The following PCDH15 variants were observed in gnomAD, a reference collection of about 807,000 sequenced individuals.
PCDH15 encodes protocadherin related 15, also known as protocadherin-15.
PCDH15 carries 129 observed loss-of-function variants against 178.5 expected under a neutral mutation model. That is an observed-to-expected ratio of 0.72 (90% confidence interval 0.63 to 0.84). The LOEUF (loss-of-function observed/expected upper bound fraction) is 0.84, where lower values mean the gene tolerates loss of function less well. Ranked by LOEUF, PCDH15 falls within the 40% of genes least tolerant of loss-of-function variation. The probability of loss-of-function intolerance (pLI) is 0.00; values close to 1 mark genes in which losing one functional copy is unlikely to be tolerated. For missense variants in PCDH15, 2,230 were observed against 2,099.9 expected (o/e 1.06, Z -1.21); for synonymous variants, 800 against 732.0 (o/e 1.09, Z -1.50).
At chr10:54,601,540 G>C (rs2092532983) in intron 2 of PCDH15, among the ~76,000 whole-genome samples, 1 of 151,886 alleles carries the variant, frequency 6.6e-6, no homozygotes, top group South Asian at 2.1e-4. Flanking sequence ...TCAGAAAGTA[G>C]CATATGTTGG....
chr10:54,948,887 C>T (rs1377550427), intron 2 of PCDH15, among the ~76,000 whole-genome samples: 1 of 151,830 alleles, frequency 6.6e-6, no homozygotes, highest in Non-Finnish European at 1.5e-5. Flanking sequence ...TCCAGGGACC[C>T]CTTGGCCCAA....
intron 13 of PCDH15, among the ~76,000 whole-genome samples, chr10:54,155,450 G>C (rs187237223): frequency 6.6e-6 from 1 of 151,994 alleles, no homozygotes; most frequent in East Asian, 1.9e-4. Context: ...CACAAAATAA[G>C]GATTCTATGT....
intron 15 of PCDH15, among the ~76,000 whole-genome samples, chr10:54,107,823 C>A (rs2094944637): frequency 6.6e-6 from 1 of 152,056 alleles, no homozygotes; most frequent in Non-Finnish European, 1.5e-5. Context: ...GCCACAGCAG[C>A]CTGGCATGGG....
At chr10:55,231,891 G>A (rs1841236962) in intron 1 of PCDH15, among the ~76,000 whole-genome samples, 1 of 151,770 alleles carries the variant, frequency 6.6e-6, no homozygotes, top group African/African-American at 2.4e-5. Flanking sequence ...AACAAGTAGA[G>A]GAATAAAATA....
chr10:54,739,265 T>G (rs191006887), intron 1 of PCDH15, among the ~76,000 whole-genome samples: 284 of 152,006 alleles, frequency 1.9e-3, no homozygotes, highest in South Asian at 4.2e-3. Flanking sequence ...CATTTCTATA[T>G]TCCAGCAGTA....
At chr10:54,745,717 C>T (rs4498881) in intron 1 of PCDH15, among the ~76,000 whole-genome samples, 148,295 of 152,208 alleles carry the variant, frequency 0.97, 72,302 homozygotes, top group East Asian at 1. Flanking sequence ...CTCACTGATT[C>T]AGAAACTGGA....
chr10:54,991,737 T>A lies in PCDH15; in HGVS notation c.-79-94237A>T, dbSNP rs1839506653. On this transcript the variant is annotated intron_variant, in intron 2 of 5. Transcript: ENST00000458638. The stretch of plus-strand genomic sequence containing the variant: ...GTTAGATCAGCTAGGTGAGGAGATA[T>A]TTAAAATCACTCGACTTATTTATCA... Among the ~76,000 whole-genome samples, 3 of 152,288 alleles carry A rather than the reference T, an allele frequency of 2.0e-5. No homozygotes were observed. In the South Asian group the frequency reaches 6.2e-4, roughly 32 times the overall value.
intron 1 of PCDH15, among the ~76,000 whole-genome samples, chr10:55,188,331 CA>C (rs1839853475): frequency 6.6e-6 from 1 of 151,658 alleles, no homozygotes; most frequent in South Asian, 2.1e-4. Context: ...TGAATGCTAA[CA>C]AAAGTAATAG....
chr10:55,427,191 G>T (rs569385957), intron 2 of PCDH15, among the ~76,000 whole-genome samples: 3 of 152,196 alleles, frequency 2.0e-5, no homozygotes, highest in East Asian at 1.9e-4. Context: ...ATAATCCGTA[G>T]ATGTGTAAAA....
At chr10:54,585,283 C>T (rs1275672389) in intron 2 of PCDH15, among the ~76,000 whole-genome samples, 1 of 152,068 alleles carries the variant, frequency 6.6e-6, no homozygotes, top group Non-Finnish European at 1.5e-5. Context: ...TTGGTACTCC[C>T]CAAGTAGCAA....
intron 10 of PCDH15, among the ~76,000 whole-genome samples, chr10:54,197,658 T>C (rs1218764344): frequency 6.6e-6 from 1 of 152,126 alleles, no homozygotes; most frequent in Non-Finnish European, 1.5e-5. Context: ...AAATTTGGTC[T>C]CCAGAAGACA....
intron 3 of PCDH15, among the ~76,000 whole-genome samples, chr10:54,479,476 A>G (rs370829082): frequency 2.0e-5 from 3 of 152,128 alleles, no homozygotes; most frequent in South Asian, 2.1e-4. Context: ...ATATCATCAT[A>G]TAGCTGCCTG....
At chr10:54,297,015 T>C (rs1024662666) in intron 8 of PCDH15, among the ~76,000 whole-genome samples, 11 of 152,124 alleles carry the variant, frequency 7.2e-5, no homozygotes, top group Admixed American at 2.6e-4. Context: ...AAACTAGTGT[T>C]TCTGCTGCTG....
chr10:55,050,361 C>T (rs537572583), intron 2 of PCDH15, among the ~76,000 whole-genome samples: 26 of 151,990 alleles, frequency 1.7e-4, no homozygotes, highest in African/African-American at 5.8e-4. Flanking sequence ...GTACCTTGTA[C>T]ATTAAATGTC....
At chr10:53,818,088 AG>A in intron 33 of PCDH15, 75 bp from the exon 34 acceptor site, 1 of 396,964 alleles carries the variant, frequency 2.5e-6, no homozygotes, top group Non-Finnish European at 4.4e-6. Context: ...CTGACAGATA[AG>A]GGCTTTAAAA....
chr10:53,912,083 A>G (rs967731078), intron 25 of PCDH15, among the ~76,000 whole-genome samples: 14 of 152,230 alleles, frequency 9.2e-5, no homozygotes, highest in South Asian at 2.1e-4. Context: ...CAGCACATCA[A>G]AAAGCTTATC....
chr10:54,712,562 C>T (rs2095437371), intron 1 of PCDH15, among the ~76,000 whole-genome samples: 1 of 151,996 alleles, frequency 6.6e-6, no homozygotes, highest in East Asian at 1.9e-4. Flanking sequence ...GATGTCAATG[C>T]AAATAATGGA....
intron 2 of PCDH15, among the ~76,000 whole-genome samples, chr10:55,487,510 G>A (rs1326037709): frequency 6.6e-6 from 1 of 151,472 alleles, no homozygotes; most frequent in Admixed American, 6.6e-5. Context: ...ACCTCTCATA[G>A]CATCTATCTG....
At chr10:55,259,883 C>T (rs1842102711) in intron 1 of PCDH15, among the ~76,000 whole-genome samples, 1 of 104,758 alleles carries the variant, frequency 9.5e-6, no homozygotes, top group African/African-American at 3.9e-5. Flanking sequence ...GCCTGGGCAA[C>T]AAGAGCAAAA....
Sources: allele counts gnomAD v4.1 joint callset (sites outside exome capture counted in the v4.1 genomes callset), GRCh38; gene constraint gnomAD v4.1.1; transcripts MANE v1.5; gene names NCBI Gene and HGNC (gene_info 2026-07-23, HGNC 2026-07-21).